MUC5B: variants seen among roughly 807,000 people sequenced by gnomAD.
MUC5B encodes mucin-5B.
MUC5B carries 116 observed loss-of-function variants against 376.9 expected under a neutral mutation model. The ratio of observed to expected loss-of-function variants is 0.31; its 90% CI spans 0.26 to 0.36. MUC5B has a LOEUF of 0.36. MUC5B is among the 10% of genes least tolerant of loss of function. MUC5B has a pLI of 1.00. For missense variants in MUC5B, 7,165 were observed against 7,769.9 expected (o/e 0.92, Z 2.93); for synonymous variants, 3,517 against 3,390.9 (o/e 1.04, Z -1.29).
chr11:1,227,809 G>A (rs1861922750), intron 7 of MUC5B, 28 bp downstream of exon 7: 1 of 692,364 alleles, frequency 1.4e-6, no homozygotes, highest in Non-Finnish European at 2.7e-6. Context: ...CCCAGCTCCT[G>A]GGCAGGGACG....
At position 1,255,046 on chromosome 11, in the gene MUC5B, T is replaced by C; in HGVS notation, c.15670T>C (p.Cys5224Arg). ...HNNTEGQCGT[C>R]TNNQRDDCLQ... ...GGTGACGCCCCCACTCCCAGGCACCTGCACCAACAACCAGAGGGACGACTG... is the reference window on the plus strand; with the variant it reads ...GGTGACGCCCCCACTCCCAGGCACCCGCACCAACAACCAGAGGGACGACTG... Residue 5224 changes from cysteine to arginine, a missense_variant, in exon 36 of 49, where the codon TGC (cysteine) becomes CGC (arginine). By Grantham distance (180) the Cys-to-Arg change is radical (BLOSUM62 -3). Transcript: ENST00000529681. 2 of 1,589,382 alleles carry C rather than the reference T, an allele frequency of 1.3e-6. No homozygotes were observed. The highest frequency in any genetic ancestry group is 2.3e-5 in the East Asian group (1 of 43,412).
In MUC5B at chr11:1,256,723, G is replaced by A. The variant is rs55741856; in HGVS notation, c.16189G>A (p.Asp5397Asn). 3.2e-3 allele frequency: 5,046 copies of A among 1,561,428 alleles called. 139 individuals are homozygous for A. The highest frequency in any genetic ancestry group is 0.015 in the East Asian group (634 of 41,648). Reference sequence around the variant, plus strand: ...GGCGGAGGGCTGCTTCTGCCCTGAGGACCAGATCCTCTTCAACGCACACAT... The same window carrying A: ...GGCGGAGGGCTGCTTCTGCCCTGAGAACCAGATCCTCTTCAACGCACACAT... ...GMAEGCFCPE[D>N]QILFNAHMGI... The change falls in exon 39 of 49, where the codon GAC (aspartate) becomes AAC (asparagine). Residue 5397 changes from aspartate (D) to asparagine (N), a missense_variant. Transcript: ENST00000529681.
At chr11:1,231,954 G>A in intron 14 of MUC5B, 42 bp from the exon 15 acceptor site, 2 of 1,610,726 alleles carry the variant, frequency 1.2e-6, no homozygotes, top group South Asian at 1.1e-5. Flanking sequence ...AGCCAGGTGG[G>A]CCCAACAGTG....
rs1862997874 is a variant in MUC5B at position 1,261,655 on chromosome 11, T to C, written c.*47T>C. 6.5e-7 allele frequency: 1 copy of C among 1,528,586 alleles called. No homozygotes were observed. Among genetic ancestry groups the C allele is most frequent in the South Asian group, 1.2e-5 (1 of 84,296 alleles). The allele number at this position is 1,528,586 out of a possible 1,614,324, so 94.7% of individuals were successfully genotyped here. A position where few individuals can be genotyped will look rare whatever the true frequency, so the allele number is the denominator to read the frequency against. The stretch of plus-strand genomic sequence containing the variant: ...ATGCTCTGTCCACCTGGAGCCAGGA[T>C]GTGCATTGTCTGATCATGAAAACCT... On this transcript the variant is annotated 3_prime_UTR_variant, in exon 49 of 49. Transcript: ENST00000529681.
In MUC5B at chr11:1,258,665, G is replaced by A. The variant is rs373738954; in HGVS notation, c.16594-277G>A. Among the ~76,000 whole-genome samples, 6 of 152,016 alleles carry A rather than the reference G, an allele frequency of 3.9e-5. No individual in the cohort carries two copies. Among genetic ancestry groups the A allele is most frequent in the South Asian group, 4.2e-4 (2 of 4,812 alleles). ...CGCCTGCCCGCCCAGATTCCTACCC[G>A]CCCGGATTCCTGCCTGCCAGATTCC... On this transcript the variant is annotated intron_variant, in intron 43 of 48. Transcript: ENST00000529681. This position sits in a 1 kb window ranked among gnomAD's most constrained non-coding sequence, Gnocchi z 5.5.
Position 1,254,196 on chromosome 11 carries a change from C to T in MUC5B, c.15322C>T (p.Arg5108Cys), listed in dbSNP as rs777182861. The stretch of plus-strand genomic sequence containing the variant: ...TGTCCTCATGAGAGAGATCCATGCA[C>T]GCTTTGGGAATCTCAGCCTCTACCT... ...TYVLMREIHA[R>C]FGNLSLYLDN... The change falls in exon 34 of 49, where the codon CGC becomes TGC. Residue 5108 changes from arginine (R) to cysteine (C), a missense_variant. This residue lies in a region of MUC5B where 842 missense variants were observed against 1,016.9 expected (regional missense o/e 0.83). Coordinates refer to ENST00000529681, the MANE Select transcript of MUC5B (RefSeq NM_002458.3). The T allele has an allele frequency of 8.7e-6, 14 of 1,612,752 alleles. No homozygotes were observed. Among genetic ancestry groups the T allele is most frequent in the South Asian group, 3.3e-5 (3 of 91,096 alleles).
chr11:1,254,249 C>T lies in MUC5B; in HGVS notation c.15375C>T (p.Ala5125=). ...ACAACCACTACTGCACGGCCTCTGCCACTGCCGCTGCCGCCCGCTGCCCCC... is the reference window on the plus strand; with the variant it reads ...ACAACCACTACTGCACGGCCTCTGCTACTGCCGCTGCCGCCCGCTGCCCCC... ...YLDNHYCTAS[A]TAAAARCPRA... is the part of the protein sequence containing the mutation. Residue 5125 remains alanine, a synonymous_variant, in exon 34 of 49, where the codon GCC becomes GCT. Coordinates refer to ENST00000529681, the MANE Select transcript of MUC5B (RefSeq NM_002458.3). 1 of 1,612,550 alleles carries T rather than the reference C, an allele frequency of 6.2e-7. No homozygotes were observed. Among genetic ancestry groups the T allele is most frequent in the Non-Finnish European group, 8.5e-7 (1 of 1,179,868 alleles).
chr11:1,223,920 C>G (rs1299089496), intron 1 of MUC5B, among the ~76,000 whole-genome samples: 1 of 152,184 alleles, frequency 6.6e-6, no homozygotes, highest in Non-Finnish European at 1.5e-5. Context: ...GCCCCGCCCT[C>G]CACCCCCTCC....
At chr11:1,228,425 T>G in intron 7 of MUC5B, 139 bp from the exon 8 acceptor site, 1 of 760,560 alleles carries the variant, frequency 1.3e-6, no homozygotes, top group Non-Finnish European at 2.0e-6. Context: ...CCACAGTGGG[T>G]GGAAGGGGTG....
intron 34 of MUC5B, 81 bp downstream of exon 34, chr11:1,254,432 C>A: frequency 6.5e-7 from 1 of 1,542,180 alleles, no homozygotes; most frequent in South Asian, 1.2e-5. Context: ...CGGGGTGACC[C>A]AGGTGCCGCA....
At chr11:1,256,106 C>A (rs961732509) in intron 37 of MUC5B, 50 bp from the exon 38 acceptor site, 10 of 707,942 alleles carry the variant, frequency 1.4e-5, no homozygotes, top group African/African-American at 1.4e-4. Flanking sequence ...GGGGGCGGCC[C>A]TGGGCCCCCC....
rs1312386512 is a variant in MUC5B, at chr11:1,260,194, GGCCCCACCCCTGCCTGGGAA to G, written c.16923+129_16924-118del. ...AGGGAGGCCCCACCCCTGCTGGGGA[GGCCCCACCCCTGCCTGGGAA>G]GCCCCACCCCTGCCTGGGAGGCCCC... On this transcript the variant is annotated intron_variant, in intron 46 of 48. Coordinates refer to ENST00000529681, the MANE Select transcript of MUC5B (RefSeq NM_002458.3). 2.1e-5 allele frequency: 29 copies of G among 1,399,670 alleles called. No homozygotes were observed. In the East Asian group the frequency reaches 4.1e-4, roughly 20 times the overall value. 86.7% of individuals were successfully genotyped at this position (1,399,670 alleles called of 1,614,324 possible). A position where few individuals can be genotyped will look rare whatever the true frequency, so the allele number is the denominator to read the frequency against.
In MUC5B at chr11:1,240,358, T is replaced by C; in HGVS notation, c.3953T>C (p.Val1318Ala). 1.9e-6 allele frequency: 3 copies of C among 1,600,750 alleles called. No individual in the cohort carries two copies. The highest frequency in any genetic ancestry group is 2.6e-6 in the Non-Finnish European group (3 of 1,170,762). The change falls in exon 30 of 49, where the codon GTC (valine) becomes GCC (alanine). Residue 1318 changes from valine to alanine, a missense_variant. Val to Ala is a moderately conservative substitution (Grantham distance 64, BLOSUM62 0). Around this residue, in one of 31 missense-constraint regions of MUC5B, gnomAD observed 517 missense variants for 545.3 expected, o/e 0.95. Coordinates refer to ENST00000529681, the MANE Select transcript of MUC5B (RefSeq NM_002458.3). ...TTPFTFTTAWVPHSTTSPALP... is the reference protein window; with the variant it reads ...TTPFTFTTAWAPHSTTSPALP... Reference sequence around the variant, plus strand: ...CCATTCACCTTCACCACCGCCTGGGTCCCCCACTCCACGACAAGTAAGCCC... The same window carrying C: ...CCATTCACCTTCACCACCGCCTGGGCCCCCCACTCCACGACAAGTAAGCCC...
Position 1,236,415 on chromosome 11 carries a change from C to A in MUC5B, c.2910C>A (p.Thr970=), listed in dbSNP as rs374061572. The change falls in exon 24 of 49, where the codon ACC becomes ACA. Residue 970 remains threonine (T), a synonymous_variant. Coordinates refer to ENST00000529681, the MANE Select transcript of MUC5B (RefSeq NM_002458.3). The part of the protein sequence containing the change: ...ESYELILQEG[T]FKAVARGPGG... ...ACGAGCTGATCCTCCAAGAGGGGAC[C>A]TTTAAGGCGGTGGCGAGAGGGCCGG... The A allele has an allele frequency of 1.7e-5, 28 of 1,612,218 alleles. No homozygotes were observed. Among genetic ancestry groups the A allele is most frequent in the Non-Finnish European group, 2.3e-5 (27 of 1,179,650 alleles).
chr11:1,251,070 G>T lies in MUC5B; in HGVS notation c.14190G>T (p.Arg4730Ser). ...AAGCCACTTCCTCCTCCAGTCCAAG[G>T]ACTGCAACCACCCTTCCAGTGCTGA... ...SSKATSSSSP[R>S]TATTLPVLTS... Residue 4730 changes from arginine to serine, a missense_variant, in exon 31 of 49, where the codon AGG (arginine) becomes AGT (serine). By Grantham distance (110) the Arg-to-Ser change is moderately radical (BLOSUM62 -1). This residue lies in a region of MUC5B where 730 missense variants were observed against 592.7 expected (regional missense o/e 1.23). Transcript: ENST00000529681. 1 of 1,611,134 alleles carries T rather than the reference G, an allele frequency of 6.2e-7. No individual in the cohort carries two copies.
rs764302832 is a variant in MUC5B, at chr11:1,250,781, G to T, written c.13901G>T (p.Gly4634Val). The T allele has an allele frequency of 6.2e-7, 1 of 1,612,738 alleles. No homozygotes were observed. Among genetic ancestry groups the T allele is most frequent in the East Asian group, 2.2e-5 (1 of 44,824 alleles). Reference protein sequence around the residue: ...TPTTTTPTTSGSTVTPSSIPG... With the variant: ...TPTTTTPTTSVSTVTPSSIPG... ...ACAACCACCACACCCACAACCAGTG[G>T]CTCCACGGTGACCCCCTCCTCCATC... is the stretch of plus-strand genomic sequence containing the variant. The change falls in exon 31 of 49, where the codon GGC becomes GTC. Residue 4634 changes from glycine to valine, a missense_variant. Physicochemically the swap from Gly to Val is moderately radical, Grantham distance 109. Transcript: ENST00000529681.
At chr11:1,240,513 C>T (rs998730093) in intron 30 of MUC5B, 138 bp downstream of exon 30, 33 of 810,032 alleles carry the variant, frequency 4.1e-5, no homozygotes, top group South Asian at 1.3e-4. Context: ...TAGGGGTGCA[C>T]GGCCCCTCAA....
Position 1,235,219 on chromosome 11 carries a change from C to T in MUC5B, c.2765C>T (p.Ala922Val), listed in dbSNP as rs1276156320. 2 of 1,612,682 alleles carry T rather than the reference C, an allele frequency of 1.2e-6. No homozygotes were observed. Among genetic ancestry groups the T allele is most frequent in the Non-Finnish European group, 1.7e-6 (2 of 1,179,450 alleles). ...GAAGGCAGCTGCGAGTACATCTTGG[C>T]CCAGGTACGCCGCCCCCTCGCCCAC... Reference protein sequence around the residue: ...SFEGSCEYILAQDYCGDNTTH... With the variant: ...SFEGSCEYILVQDYCGDNTTH... Residue 922 changes from alanine to valine, a missense_variant, in exon 22 of 49, where the codon GCC becomes GTC. By Grantham distance (64) the Ala-to-Val change is moderately conservative. This residue lies in a region of MUC5B where 530 missense variants were observed against 604.0 expected (regional missense o/e 0.88). Coordinates refer to ENST00000529681, the MANE Select transcript of MUC5B (RefSeq NM_002458.3).
At position 1,234,378 on chromosome 11, in the gene MUC5B, C is replaced by A; in HGVS notation, c.2478+73C>A. 1 of 1,509,220 alleles carries A rather than the reference C, an allele frequency of 6.6e-7. No homozygotes were observed. The highest frequency in any genetic ancestry group is 9.0e-7 in the Non-Finnish European group (1 of 1,112,006). The allele number at this position is 1,509,220 out of a possible 1,614,324, so 93.5% of individuals were successfully genotyped here. A position where few individuals can be genotyped will look rare whatever the true frequency, so the allele number is the denominator to read the frequency against. ...TTTCCCAGCTCCCGAGCCCAGGGAT[C>A]TGGTGGTCCTGGAGACACTTACCCA... On this transcript the variant is annotated intron_variant, in intron 20 of 48. Coordinates refer to ENST00000529681, the MANE Select transcript of MUC5B (RefSeq NM_002458.3). This position sits in a 1 kb window ranked among gnomAD's most constrained non-coding sequence, Gnocchi z 6.3.
Sources: allele counts gnomAD v4.1 joint callset (sites outside exome capture counted in the v4.1 genomes callset), GRCh38; gene constraint gnomAD v4.1.1; regional missense constraint gnomAD v4.1.1; non-coding constraint Gnocchi (gnomAD v3.1); transcripts MANE v1.5; gene names NCBI Gene and HGNC (gene_info 2026-07-23, HGNC 2026-07-21).